Variants in DNM2 observed in about 807,000 individuals in gnomAD.
DNM2 encodes the protein dynamin-2.
Under a neutral mutation model 99.0 loss-of-function variants are expected in DNM2, and 15 were observed. The observed-to-expected ratio is 0.15, with a 90% confidence interval of 0.10 to 0.23. The LOEUF (loss-of-function observed/expected upper bound fraction) is 0.23. Ranked by LOEUF, DNM2 falls within the 10% of genes least tolerant of loss-of-function variation. DNM2 has a pLI of 1.00. For synonymous variants in DNM2, 525 were observed against 481.2 expected, an observed-to-expected ratio of 1.09 and a Z score of -1.19; for missense variants, 742 against 1,189.4, an observed-to-expected ratio of 0.62 and a Z score of 5.53.
chr19:10,743,654 C>CA (rs2069843276), intron 1 of DNM2, among the ~76,000 whole-genome samples: 1 of 151,392 alleles, frequency 6.6e-6, no homozygotes, highest in South Asian at 2.1e-4. Flanking sequence ...ACTAAAAATA[C>CA]AAAAAATTAG....
chr19:10,829,000 T>TA, intron 18 of DNM2, 36 bp from the exon 19 acceptor site: 3 of 1,595,182 alleles, frequency 1.9e-6, no homozygotes, highest in Non-Finnish European at 2.6e-6. Context: ...GTTGGGGTGA[T>TA]ACACAAGCCT....
chr19:10,830,026 C>T lies in DNM2; in HGVS notation c.2292-101C>T, dbSNP rs1196355881. 1.5e-5 allele frequency: 23 copies of T among 1,545,642 alleles called. No homozygotes were observed. In the Admixed American group the frequency reaches 2.0e-4, roughly 13 times the overall value. On this transcript the variant is annotated intron_variant, in intron 19 of 20. Transcript: ENST00000389253. The surrounding 1 kb of genome is among the most constrained non-coding windows in gnomAD (Gnocchi z 4.8). ...AGGATCCCACTGCGCCTGCGCTGTC[C>T]CCATAGCCAGCCCCCACCTCAGGTT...
At chr19:10,731,393 G>A (rs1467538018) in intron 1 of DNM2, among the ~76,000 whole-genome samples, 1 of 145,348 alleles carries the variant, frequency 6.9e-6, no homozygotes, top group Non-Finnish European at 1.5e-5. Flanking sequence ...TCACAGTGTC[G>A]CCCGGGCTGG....
intron 1 of DNM2, among the ~76,000 whole-genome samples, chr19:10,723,916 C>T (rs1263387845): frequency 6.6e-6 from 1 of 151,996 alleles, no homozygotes; most frequent in Non-Finnish European, 1.5e-5. Flanking sequence ...ACATAGACCC[C>T]GTCTCTACAA....
At chr19:10,746,314 G>A (rs1396436927) in intron 1 of DNM2, among the ~76,000 whole-genome samples, 1 of 151,904 alleles carries the variant, frequency 6.6e-6, no homozygotes, top group Non-Finnish European at 1.5e-5. Context: ...TGAGGGGGTG[G>A]TGGGGGAGGA....
intron 1 of DNM2, among the ~76,000 whole-genome samples, chr19:10,752,849 AACTT>A (rs1257192656): frequency 1.3e-5 from 2 of 152,138 alleles, no homozygotes; most frequent in African/African-American, 4.8e-5. Context: ...CTCTACAAGA[AACTT>A]AAGGTGGCCT....
At chr19:10,754,572 A>G (rs2070319654) in intron 1 of DNM2, among the ~76,000 whole-genome samples, 1 of 150,370 alleles carries the variant, frequency 6.7e-6, no homozygotes, top group Non-Finnish European at 1.5e-5. Context: ...TCTTAAACAT[A>G]TACCTTGATT....
intron 1 of DNM2, among the ~76,000 whole-genome samples, chr19:10,734,457 T>C (rs2069448007): frequency 6.7e-6 from 1 of 150,330 alleles, no homozygotes. Flanking sequence ...CTGGGCAATA[T>C]AGTGAGACCT....
intron 1 of DNM2, among the ~76,000 whole-genome samples, chr19:10,754,257 G>A (rs1259960885): frequency 4.0e-5 from 6 of 150,828 alleles, no homozygotes; most frequent in Admixed American, 1.3e-4. Context: ...AATCGCTTAA[G>A]TCTTTTTTTT....
intron 9 of DNM2, 147 bp from the exon 10 acceptor site, chr19:10,797,233 G>A (rs901108077): frequency 1.5e-5 from 19 of 1,233,412 alleles, no homozygotes; most frequent in South Asian, 3.9e-5. Flanking sequence ...AGCAGCTTCC[G>A]GGGCAAATGC....
At chr19:10,797,751 G>T (rs1347781473) in intron 10 of DNM2, among the ~76,000 whole-genome samples, 1 of 152,202 alleles carries the variant, frequency 6.6e-6, no homozygotes, top group East Asian at 1.9e-4. Flanking sequence ...CAAACGCATT[G>T]CATTTACTAA....
At chr19:10,801,908 GAAAA>G (rs34959391) in intron 11 of DNM2, among the ~76,000 whole-genome samples, 3 of 101,058 alleles carry the variant, frequency 3.0e-5, no homozygotes, top group South Asian at 3.4e-4. Flanking sequence ...CCGTCTCGAA[GAAAA>G]AAAAAAAAAA....
rs779337610 is a variant in DNM2 at position 10,759,725 on chromosome 19, C to T, written c.162-13C>T. On this transcript the variant is annotated splice_polypyrimidine_tract_variant and intron_variant, in intron 1 of 20. Coordinates refer to ENST00000389253, the MANE Select transcript of DNM2 (RefSeq NM_001005361.3). The stretch of plus-strand genomic sequence containing the variant: ...ACGCAAGAGTAATTTCTGTCCCTCT[C>T]CCCCCCTCACAGGGACTTCCTTCCC... The T allele has an allele frequency of 6.2e-6, 10 of 1,613,626 alleles. No individual in the cohort carries two copies. The highest frequency in any genetic ancestry group is 3.3e-5 in the South Asian group (3 of 91,082).
intron 12 of DNM2, 45 bp downstream of exon 12, chr19:10,802,403 A>T (rs751529480): frequency 1.3e-6 from 2 of 1,595,564 alleles, no homozygotes; most frequent in African/African-American, 2.7e-5. Flanking sequence ...ACCAATCCTC[A>T]CTCTCAGATC....
At chr19:10,814,468 G>GA (rs78057245) in intron 15 of DNM2, among the ~76,000 whole-genome samples, 1 of 150,476 alleles carries the variant, frequency 6.6e-6, no homozygotes, top group Non-Finnish European at 1.5e-5. Flanking sequence ...GTGTCTCAAA[G>GA]AAAAAAAAAC....
intron 13 of DNM2, among the ~76,000 whole-genome samples, chr19:10,807,151 C>T (rs1022605789): frequency 1.2e-4 from 19 of 152,168 alleles, no homozygotes; most frequent in Non-Finnish European, 2.8e-4. Context: ...TGGCTCACTG[C>T]AACCTCTGCC....
At chr19:10,798,364 G>C in intron 10 of DNM2, 122 bp from the exon 11 acceptor site, 5 of 572,462 alleles carry the variant, frequency 8.7e-6, no homozygotes, top group South Asian at 2.3e-5. Context: ...CAAGGTGTGG[G>C]CTCGGTGGGC....
chr19:10,737,816 C>T (rs972736950), intron 1 of DNM2, among the ~76,000 whole-genome samples: 1 of 152,192 alleles, frequency 6.6e-6, no homozygotes, highest in African/African-American at 2.4e-5. Flanking sequence ...TGTCTCCCCC[C>T]ACTAGAAGGG....
intron 1 of DNM2, among the ~76,000 whole-genome samples, chr19:10,751,652 G>C (rs2070199242): frequency 6.6e-6 from 1 of 152,328 alleles, no homozygotes; most frequent in Admixed American, 6.5e-5. Context: ...CAGCAGTCTG[G>C]GAACTTTTAG....
Sources: gnomAD v4.1 joint callset for allele counts (sites outside exome capture counted in the v4.1 genomes callset) on GRCh38, gnomAD v4.1.1 for gene constraint, Gnocchi (gnomAD v3.1) non-coding constraint, MANE v1.5 for transcripts, NCBI Gene and HGNC (gene_info 2026-07-23, HGNC 2026-07-21) for gene names.